CLDN16: variants seen among roughly 807,000 people sequenced by gnomAD.
The protein encoded by CLDN16 is claudin-16.
A neutral mutation model predicts 24.6 loss-of-function variants in CLDN16; 13 were observed. The ratio of observed to expected loss-of-function variants is 0.53; its 90% CI spans 0.34 to 0.84. The LOEUF (loss-of-function observed/expected upper bound fraction) is 0.84, where lower values mean the gene tolerates loss of function less well. Among genes scored for constraint, CLDN16 ranks in the 40% least tolerant of loss-of-function variants. CLDN16 has a pLI of 0.01. For missense variants in CLDN16, 298 were observed against 292.7 expected, an observed-to-expected ratio of 1.02 and a Z score of -0.13; for synonymous variants, 116 against 106.7, an observed-to-expected ratio of 1.09 and a Z score of -0.54.
At chr3:190,354,106 C>G (rs1410358701) in intron 1 of CLDN16, among the ~76,000 whole-genome samples, 1 of 151,964 alleles carries the variant, frequency 6.6e-6, no homozygotes, top group Non-Finnish European at 1.5e-5. Context: ...TTGCCTTCTT[C>G]TATGTCTGTA....
the CLDN16 span, among the ~76,000 whole-genome samples, chr3:190,315,354 G>C: frequency 2.0e-5 from 3 of 152,168 alleles, no homozygotes; most frequent in African/African-American, 7.2e-5. Context: ...CAAATTGGGA[G>C]AGCTGGTCAT....
chr3:190,347,526 A>G (rs1204456519), intron 1 of CLDN16, among the ~76,000 whole-genome samples: 1 of 152,220 alleles, frequency 6.6e-6, no homozygotes, highest in South Asian at 2.1e-4. Flanking sequence ...ATTACTAAAT[A>G]CTTATGAGTG....
chr3:190,384,878 C>A (rs540941033), upstream of CLDN16, among the ~76,000 whole-genome samples: 16 of 152,224 alleles, frequency 1.1e-4, no homozygotes, highest in Non-Finnish European at 1.9e-4. Flanking sequence ...ATTTTGTAAA[C>A]CTTATTGAGC....
Position 190,410,078 on chromosome 3 carries a change from C to T in CLDN16, c.*42C>T, listed in dbSNP as rs1252342533. 1 of 1,603,856 alleles carries T rather than the reference C, an allele frequency of 6.2e-7. No individual in the cohort carries two copies. Among genetic ancestry groups the T allele is most frequent in the Non-Finnish European group, 8.5e-7 (1 of 1,170,866 alleles). ...TGTGTTTGCATATGATTTAATCAAT[C>T]AGTATGGTTACATTGATAAAATAGT... is the stretch of plus-strand genomic sequence containing the variant. On this transcript the variant is annotated 3_prime_UTR_variant, in exon 5 of 5. Transcript: ENST00000264734.
the CLDN16 span, among the ~76,000 whole-genome samples, chr3:190,311,741 G>T: frequency 2.0e-5 from 3 of 150,992 alleles, no homozygotes; most frequent in East Asian, 3.9e-4. Context: ...ACAGTGTATA[G>T]ATATAAAGAT....
At chr3:190,360,673 TTC>T (rs1437658030) in intron 1 of CLDN16, among the ~76,000 whole-genome samples, 4 of 151,970 alleles carry the variant, frequency 2.6e-5, no homozygotes, top group Admixed American at 6.6e-5. Context: ...CTATTCTTTG[TTC>T]TCTTTTTCCT....
At chr3:190,298,560 A>T in the CLDN16 span, among the ~76,000 whole-genome samples, 1 of 150,622 alleles carries the variant, frequency 6.6e-6, no homozygotes, top group Non-Finnish European at 1.5e-5. Context: ...GGTTCAAGTG[A>T]TTCTCATTCC....
chr3:190,358,965 A>G (rs894147692), intron 1 of CLDN16, among the ~76,000 whole-genome samples: 1 of 143,566 alleles, frequency 7.0e-6, no homozygotes, highest in African/African-American at 2.4e-5. Context: ...AACCTAATTT[A>G]TTATTTTTTT....
At chr3:190,308,157 T>C in the CLDN16 span, 12 of 1,204,142 alleles carry the variant, frequency 1.0e-5, no homozygotes, top group South Asian at 1.5e-4. Context: ...TGTTTGTTTG[T>C]TTTGTAATAC....
intron 3 of CLDN16, among the ~76,000 whole-genome samples, chr3:190,381,919 T>A (rs1485385593): frequency 6.6e-6 from 1 of 152,000 alleles, no homozygotes; most frequent in African/African-American, 2.4e-5. Flanking sequence ...AGAGCTGACA[T>A]TGACTTCATG....
upstream of CLDN16, among the ~76,000 whole-genome samples, chr3:190,387,382 C>T (rs1001446248): frequency 8.6e-5 from 13 of 151,406 alleles, no homozygotes; most frequent in Non-Finnish European, 1.5e-4. Context: ...CTTCATTAGA[C>T]GCGTTTTCAA....
At chr3:190,371,267 A>T (rs1186497245) in intron 2 of CLDN16, among the ~76,000 whole-genome samples, 1 of 151,522 alleles carries the variant, frequency 6.6e-6, no homozygotes, top group Admixed American at 6.6e-5. Flanking sequence ...CTTTAGAGAA[A>T]CCTGACTAAT....
intron 3 of CLDN16, among the ~76,000 whole-genome samples, chr3:190,382,781 A>G (rs971597976): frequency 6.6e-6 from 1 of 152,146 alleles, no homozygotes; most frequent in Admixed American, 6.6e-5. Context: ...TTTGAAAACA[A>G]TTAAAATACT....
chr3:190,348,961 T>C (rs4686541), intron 1 of CLDN16, among the ~76,000 whole-genome samples: 98,668 of 151,934 alleles, frequency 0.65, 33,343 homozygotes, highest in East Asian at 0.93. Flanking sequence ...ATAATGGTCT[T>C]TAGCTCCATC....
the CLDN16 span, chr3:190,306,323 C>T: frequency 1.3e-5 from 2 of 152,328 alleles, no homozygotes; most frequent in Admixed American, 1.3e-4. Context: ...TTGTTTAGTG[C>T]ACTCAATTTT....
At chr3:190,363,556 GTATATATATA>G (rs1221514630) in intron 1 of CLDN16, among the ~76,000 whole-genome samples, 3 of 87,428 alleles carry the variant, frequency 3.4e-5, no homozygotes, top group South Asian at 3.7e-4. Flanking sequence ...GTGTGTGTGT[GTATATATATA>G]TATATATATA....
At chr3:190,358,452 C>G (rs530723064) in intron 1 of CLDN16, among the ~76,000 whole-genome samples, 1 of 152,038 alleles carries the variant, frequency 6.6e-6, no homozygotes, top group Admixed American at 6.6e-5. Flanking sequence ...AGACTCGTCC[C>G]TCCTGAGTAC....
chr3:190,304,067 A>C, the CLDN16 span, among the ~76,000 whole-genome samples: 1 of 152,198 alleles, frequency 6.6e-6, no homozygotes, highest in South Asian at 2.1e-4. Flanking sequence ...CAGTATGTTG[A>C]AATCCTCTGG....
intron 1 of CLDN16, among the ~76,000 whole-genome samples, chr3:190,361,230 T>G (rs1717880877): frequency 6.6e-6 from 1 of 152,038 alleles, no homozygotes; most frequent in Admixed American, 6.6e-5. Flanking sequence ...TTATACTGTT[T>G]GTAAATGCCC....
Sources: allele counts gnomAD v4.1 joint callset (sites outside exome capture counted in the v4.1 genomes callset), GRCh38; gene constraint gnomAD v4.1.1; transcripts MANE v1.5; gene names NCBI Gene and HGNC (gene_info 2026-07-23, HGNC 2026-07-21).